EXOC6B: variants seen among roughly 807,000 people sequenced by gnomAD.
EXOC6B encodes the protein exocyst complex component 6B, also known as SEC15 homolog B.
A neutral mutation model predicts 113.5 loss-of-function variants in EXOC6B; 54 were observed. The ratio of observed to expected loss-of-function variants is 0.48; its 90% CI spans 0.38 to 0.60. The LOEUF is 0.60. Among genes scored for constraint, EXOC6B ranks in the 20% least tolerant of loss-of-function variants. The pLI, the probability that EXOC6B is intolerant of heterozygous loss-of-function variation, is 0.00. For synonymous variants in EXOC6B, 357 were observed against 339.0 expected, an observed-to-expected ratio of 1.05 and a Z score of -0.58; for missense variants, 797 against 977.5, an observed-to-expected ratio of 0.82 and a Z score of 2.46.
intron 6 of EXOC6B, among the ~76,000 whole-genome samples, chr2:72,709,990 T>C (rs1679169708): frequency 6.6e-6 from 1 of 152,160 alleles, no homozygotes; most frequent in South Asian, 2.1e-4. Flanking sequence ...TATTTAAAAA[T>C]ACTCACAGAG....
chr2:72,236,141 G>C (rs1334122114), intron 20 of EXOC6B, among the ~76,000 whole-genome samples: 3 of 152,136 alleles, frequency 2.0e-5, no homozygotes, highest in Non-Finnish European at 2.9e-5. Flanking sequence ...AACTGAGAAG[G>C]TTCCTCTCCT....
At chr2:72,604,791 T>C (rs1670645705) in intron 6 of EXOC6B, among the ~76,000 whole-genome samples, 1 of 152,194 alleles carries the variant, frequency 6.6e-6, no homozygotes, top group African/African-American at 2.4e-5. Context: ...AGAAAAACAC[T>C]TCCTAGTTAA....
At chr2:72,217,785 G>T (rs937128463) in intron 20 of EXOC6B, among the ~76,000 whole-genome samples, 11 of 152,180 alleles carry the variant, frequency 7.2e-5, no homozygotes, top group African/African-American at 2.7e-4. Flanking sequence ...TCCAGGAATT[G>T]AAAAGATGAT....
At chr2:72,468,705 C>A (rs1468052736) in intron 17 of EXOC6B, among the ~76,000 whole-genome samples, 1 of 152,076 alleles carries the variant, frequency 6.6e-6, no homozygotes, top group Non-Finnish European at 1.5e-5. Flanking sequence ...ATAGGGATTC[C>A]ATTGAATATG....
chr2:72,600,532 T>G lies in EXOC6B; in HGVS notation c.670-24864A>C, dbSNP rs113860681. On this transcript the variant is annotated intron_variant, in intron 6 of 21. Coordinates refer to ENST00000272427, the MANE Select transcript of EXOC6B (RefSeq NM_015189.3). ...AAAATAAATCAAAAGAACAGAATAC[T>G]GAGTCTAGAAATGGACCCACACAAA... Among the ~76,000 whole-genome samples the G allele has an allele frequency of 5.1e-3, 769 of 151,000 alleles. 10 individuals carry two copies. Among genetic ancestry groups the G allele is most frequent in the African/African-American group, 0.017 (712 of 41,148 alleles).
intron 20 of EXOC6B, among the ~76,000 whole-genome samples, chr2:72,285,090 G>A (rs1211387886): frequency 6.6e-6 from 1 of 152,012 alleles, no homozygotes; most frequent in Non-Finnish European, 1.5e-5. Flanking sequence ...ATAAACCCCA[G>A]TAAATTTTTC....
At chr2:72,627,160 A>G (rs1277553630) in intron 6 of EXOC6B, among the ~76,000 whole-genome samples, 1 of 152,190 alleles carries the variant, frequency 6.6e-6, no homozygotes, top group Non-Finnish European at 1.5e-5. Context: ...ACTTTTAGTA[A>G]GCAAAATGAA....
chr2:72,343,476 C>A (rs1444971401), intron 19 of EXOC6B, among the ~76,000 whole-genome samples: 1 of 152,136 alleles, frequency 6.6e-6, no homozygotes, highest in Admixed American at 6.6e-5. Context: ...ATAATACTAG[C>A]TTTTATAATT....
At chr2:72,421,984 G>A (rs374004530) in intron 18 of EXOC6B, among the ~76,000 whole-genome samples, 14 of 152,360 alleles carry the variant, frequency 9.2e-5, no homozygotes, top group African/African-American at 2.6e-4. Flanking sequence ...AGTGGCTGCG[G>A]AGGGTGTACT....
intron 6 of EXOC6B, among the ~76,000 whole-genome samples, chr2:72,709,977 G>A (rs1419233053): frequency 6.6e-6 from 1 of 152,054 alleles, no homozygotes; most frequent in Non-Finnish European, 1.5e-5. Context: ...TCCAAAATAA[G>A]TTTATTTAAA....
intron 20 of EXOC6B, among the ~76,000 whole-genome samples, chr2:72,318,320 TC>T (rs1687646788): frequency 6.6e-6 from 1 of 152,068 alleles, no homozygotes; most frequent in African/African-American, 2.4e-5. Flanking sequence ...CAGCAATACT[TC>T]CCTCCTCCAA....
At chr2:72,321,063 T>C (rs528926276) in intron 20 of EXOC6B, among the ~76,000 whole-genome samples, 1 of 152,110 alleles carries the variant, frequency 6.6e-6, no homozygotes, top group East Asian at 1.9e-4. Context: ...ATAGCCCAAA[T>C]TGAAAAAAAT....
In EXOC6B at chr2:72,190,814, C is replaced by T. The variant is rs561148038; in HGVS notation, c.2197-6627G>A. Among the ~76,000 whole-genome samples, 19 of 152,226 alleles carry T rather than the reference C, an allele frequency of 1.2e-4. No homozygotes were observed. In the South Asian group the frequency reaches 1.5e-3, roughly 12 times the overall value. On this transcript the variant is annotated intron_variant, in intron 20 of 21. Transcript: ENST00000272427. ...TATTCTTGATTTATTCATGAAAATG[C>T]GGTTTTTGTAAACTAGGTAAGTAAA...
chr2:72,555,270 C>T (rs1703476518), intron 8 of EXOC6B, among the ~76,000 whole-genome samples: 1 of 152,120 alleles, frequency 6.6e-6, no homozygotes, highest in African/African-American at 2.4e-5. Context: ...GGTATATACC[C>T]AGTAATGGGA....
intron 20 of EXOC6B, among the ~76,000 whole-genome samples, chr2:72,223,110 C>G (rs1366330595): frequency 6.6e-6 from 1 of 152,158 alleles, no homozygotes; most frequent in East Asian, 1.9e-4. Flanking sequence ...TCCTTGGTCA[C>G]CAGGCTCTGC....
chr2:72,768,119 G>A (rs1683200736), intron 1 of EXOC6B, among the ~76,000 whole-genome samples: 1 of 122,490 alleles, frequency 8.2e-6, no homozygotes, highest in African/African-American at 3.0e-5. Flanking sequence ...GTGAGACTCC[G>A]TTAAAAAAAA....
intron 8 of EXOC6B, among the ~76,000 whole-genome samples, chr2:72,552,764 ATAAAC>A (rs1288492048): frequency 2.6e-5 from 4 of 152,040 alleles, no homozygotes; most frequent in Non-Finnish European, 5.9e-5. Flanking sequence ...CACCATATTC[ATAAAC>A]TAAAGAATAA....
At chr2:72,442,610 A>G (rs1696278455) in intron 18 of EXOC6B, among the ~76,000 whole-genome samples, 1 of 152,194 alleles carries the variant, frequency 6.6e-6, no homozygotes. Context: ...GCCAAGCTGA[A>G]GCCAAATCAG....
chr2:72,653,991 A>G (rs1674409587), intron 6 of EXOC6B, among the ~76,000 whole-genome samples: 1 of 140,418 alleles, frequency 7.1e-6, no homozygotes, highest in Non-Finnish European at 1.5e-5. Flanking sequence ...TTTTTTTGAG[A>G]CGGAGTCTTA....
Sources: allele counts gnomAD v4.1 joint callset (sites outside exome capture counted in the v4.1 genomes callset), GRCh38; gene constraint gnomAD v4.1.1; transcripts MANE v1.5; gene names NCBI Gene and HGNC (gene_info 2026-07-23, HGNC 2026-07-21).